The following FGD4 variants were observed in gnomAD, a reference collection of about 807,000 sequenced individuals.
FGD4 encodes the protein FYVE, RhoGEF and PH domain containing 4.
In FGD4, 42 loss-of-function variants were observed where a neutral mutation model predicts 102.0. The observed-to-expected ratio is 0.41, with a 90% CI of 0.32 to 0.53. The LOEUF (loss-of-function observed/expected upper bound fraction) is 0.53, where lower values mean the gene tolerates loss of function less well. Ranked by LOEUF, FGD4 falls within the 20% of genes least tolerant of loss-of-function variation. FGD4 has a pLI of 0.21. For synonymous variants in FGD4, 380 were observed against 375.7 expected (o/e 1.01, Z -0.13); for missense variants, 902 against 1,078.2 (o/e 0.84, Z 2.29).
chr12:32,414,990 T>A (rs1467252135), intron 1 of FGD4, among the ~76,000 whole-genome samples: 1 of 152,184 alleles, frequency 6.6e-6, no homozygotes, highest in Non-Finnish European at 1.5e-5. Context: ...TTTCCATTAT[T>A]ATTGTTTCAA....
intron 1 of FGD4, among the ~76,000 whole-genome samples, chr12:32,434,534 A>G (rs1942161430): frequency 6.6e-6 from 1 of 152,218 alleles, no homozygotes; most frequent in Non-Finnish European, 1.5e-5. Flanking sequence ...TAGAAATGTT[A>G]GGCCTTTTCA....
intron 1 of FGD4, among the ~76,000 whole-genome samples, chr12:32,416,970 C>T (rs1941442979): frequency 6.6e-6 from 1 of 151,296 alleles, no homozygotes; most frequent in Non-Finnish European, 1.5e-5. Context: ...AATCTCGGCT[C>T]ACTGCAACCT....
At chr12:32,555,698 A>C (rs1284394327) in intron 1 of FGD4, among the ~76,000 whole-genome samples, 1 of 150,454 alleles carries the variant, frequency 6.6e-6, no homozygotes, top group Non-Finnish European at 1.5e-5. Context: ...CAGCCTCCCG[A>C]GTAGCTGGGA....
intron 1 of FGD4, among the ~76,000 whole-genome samples, chr12:32,402,646 T>A (rs1036913583): frequency 1.3e-5 from 2 of 151,904 alleles, no homozygotes; most frequent in African/African-American, 4.8e-5. Context: ...CAGTTTTTTT[T>A]AAAATGGAGA....
intron 1 of FGD4, among the ~76,000 whole-genome samples, chr12:32,556,122 T>A (rs1425811119): frequency 6.6e-6 from 1 of 152,178 alleles, no homozygotes; most frequent in Non-Finnish European, 1.5e-5. Context: ...ATTACAGGCA[T>A]GAGCCATCAT....
At position 32,644,432 on chromosome 12, in the gene FGD4, T is replaced by C. The variant is rs1172484250; in HGVS notation, c.*3899T>C. The C allele has an allele frequency of 1.3e-5, 2 of 151,590 alleles. No homozygotes were observed. Among genetic ancestry groups the C allele is most frequent in the Non-Finnish European group, 3.0e-5 (2 of 67,712 alleles). 9.4% of individuals were successfully genotyped at this position (151,590 alleles called of 1,614,324 possible). ...TGTATATATGTAAAAACACTGTTGA[T>C]TTGCAATTCTGTCTTTCCATAGAAA... On this transcript the variant is annotated 3_prime_UTR_variant, in exon 17 of 17. Transcript: ENST00000534526.
At chr12:32,466,910 T>C (rs1405775478) in intron 1 of FGD4, among the ~76,000 whole-genome samples, 1 of 147,280 alleles carries the variant, frequency 6.8e-6, no homozygotes, top group Admixed American at 6.8e-5. Flanking sequence ...TTACACCTCC[T>C]ACGGAATGTG....
At chr12:32,569,763 A>G (rs1363746381) in intron 2 of FGD4, among the ~76,000 whole-genome samples, 2 of 152,322 alleles carry the variant, frequency 1.3e-5, no homozygotes, top group South Asian at 2.1e-4. Context: ...TAGATATTCA[A>G]TAAGTATTCA....
At chr12:32,457,202 A>T (rs188867879) in intron 1 of FGD4, among the ~76,000 whole-genome samples, 1 of 151,450 alleles carries the variant, frequency 6.6e-6, no homozygotes, top group East Asian at 1.9e-4. Context: ...CTACCAAGAA[A>T]AACAGTGAAG....
chr12:32,595,312 A>G (rs1035383136), intron 4 of FGD4, among the ~76,000 whole-genome samples: 2 of 152,158 alleles, frequency 1.3e-5, no homozygotes, highest in East Asian at 1.9e-4. Context: ...TATCCTGCAT[A>G]TGTATCATAT....
intron 1 of FGD4, among the ~76,000 whole-genome samples, chr12:32,444,696 C>T (rs1240645921): frequency 6.6e-6 from 1 of 152,132 alleles, no homozygotes; most frequent in Non-Finnish European, 1.5e-5. Context: ...TGAGCCACTG[C>T]GCATGGCCTA....
In FGD4 at chr12:32,564,107, T is replaced by TA. The variant is rs1176458752; in HGVS notation, c.167-29dup. 5.9e-6 allele frequency: 9 copies of TA among 1,530,620 alleles called. No individual in the cohort carries two copies. In the Admixed American group the frequency reaches 1.8e-4, roughly 30 times the overall value. 94.8% of individuals were successfully genotyped at this position (1,530,620 alleles called of 1,614,324 possible). The stretch of plus-strand genomic sequence containing the variant: ...CAGTATTGTGATATGCCTCCATACT[T>TA]ACCTGCCCTTTCTTTCTGAACTCTT... On this transcript the variant is annotated intron_variant, in intron 1 of 16. Transcript: ENST00000534526.
chr12:32,495,677 C>CAG (rs1367153671), intron 1 of FGD4, among the ~76,000 whole-genome samples: 1 of 133,396 alleles, frequency 7.5e-6, no homozygotes, highest in Non-Finnish European at 1.5e-5. Flanking sequence ...GCCTGGGCCA[C>CAG]AGAGAGAGAC....
chr12:32,577,629 TA>T (rs1175254625), intron 3 of FGD4, among the ~76,000 whole-genome samples: 1 of 152,248 alleles, frequency 6.6e-6, no homozygotes, highest in Non-Finnish European at 1.5e-5. Flanking sequence ...TGATACATTG[TA>T]GGAACTTTGG....
Position 32,517,826 on chromosome 12 carries a change from C to T in FGD4, c.167-46311C>T, listed in dbSNP as rs535298333. ...GCTTGAGCCTGAAAGGTTGAGGCTG[C>T]AGTGAGCCGAGACCATGCTGCTGCA... On this transcript the variant is annotated intron_variant, in intron 1 of 16. Transcript: ENST00000534526. 1.7e-3 allele frequency among the ~76,000 whole-genome samples: 265 copies of T among 152,122 alleles called. 1 individual carries two copies. The highest frequency in any genetic ancestry group is 3.1e-3 in the Admixed American group (48 of 15,266).
At chr12:32,473,252 G>C (rs1943473570) in intron 1 of FGD4, among the ~76,000 whole-genome samples, 1 of 151,934 alleles carries the variant, frequency 6.6e-6, no homozygotes, top group Non-Finnish European at 1.5e-5. Context: ...CAACCTGCTC[G>C]TGTCCCCTTC....
rs977593572 is a variant in FGD4, at chr12:32,626,465, A to G, written c.2172+686A>G. On this transcript the variant is annotated intron_variant, in intron 14 of 16. Transcript: ENST00000534526. Reference sequence around the variant, plus strand: ...ATCTCAGAAAAAAAAAAAAAAAAAAAGGGGGTTGAGAAAGAGCTAATAATC... The same window carrying G: ...ATCTCAGAAAAAAAAAAAAAAAAAAGGGGGGTTGAGAAAGAGCTAATAATC... 3.6e-3 allele frequency among the ~76,000 whole-genome samples: 488 copies of G among 135,304 alleles called. 1 individual carries two copies. Among genetic ancestry groups the G allele is most frequent in the East Asian group, 0.013 (66 of 4,946 alleles). The allele number at this position is 135,304 out of a possible 152,430, so 88.8% of individuals were successfully genotyped here. A position where few individuals can be genotyped will look rare whatever the true frequency, so the allele number is the denominator to read the frequency against.
At chr12:32,555,453 T>C (rs1189886038) in intron 1 of FGD4, among the ~76,000 whole-genome samples, 3 of 151,932 alleles carry the variant, frequency 2.0e-5, no homozygotes, top group Admixed American at 6.6e-5. Context: ...GCAGTAGAGA[T>C]TTAAGTGTAG....
intron 1 of FGD4, among the ~76,000 whole-genome samples, chr12:32,539,037 G>A (rs1206677533): frequency 6.6e-6 from 1 of 152,022 alleles, no homozygotes; most frequent in Non-Finnish European, 1.5e-5. Context: ...CTAGGTGACA[G>A]AGGGAGACTC....
Sources: allele counts gnomAD v4.1 joint callset (sites outside exome capture counted in the v4.1 genomes callset), GRCh38; gene constraint gnomAD v4.1.1; transcripts MANE v1.5; gene names NCBI Gene and HGNC (gene_info 2026-07-23, HGNC 2026-07-21).